The following GLB1 variants were observed in gnomAD, a reference collection of about 807,000 sequenced individuals.
GLB1 encodes beta-galactosidase.
A neutral mutation model predicts 74.0 loss-of-function variants in GLB1; 56 were observed. The observed-to-expected ratio is 0.76, with a 90% CI of 0.61 to 0.94. The LOEUF is 0.94. Ranked by LOEUF, GLB1 falls within the 40% of genes least tolerant of loss-of-function variation. GLB1 has a pLI of 0.00. For missense variants in GLB1, 787 were observed against 845.5 expected (o/e 0.93, Z 0.86); for synonymous variants, 323 against 323.6 (o/e 1.00, Z 0.02).
At chr3:33,054,714 C>A (rs1376744856) in intron 6 of GLB1, among the ~76,000 whole-genome samples, 1 of 152,168 alleles carries the variant, frequency 6.6e-6, no homozygotes, top group East Asian at 1.9e-4. Flanking sequence ...CACTTGCTCT[C>A]AAGTTTTCCT....
rs201648316 is a variant in GLB1, at chr3:33,093,698, A to G, written c.75+3313T>C. 2 of 1,614,174 alleles carry G rather than the reference A, an allele frequency of 1.2e-6. No individual in the cohort carries two copies. Among genetic ancestry groups the G allele is most frequent in the East Asian group, 4.5e-5 (2 of 44,878 alleles). On this transcript the variant is annotated intron_variant, in intron 1 of 15. Transcript: ENST00000307363. The surrounding 1 kb of genome is among the most constrained non-coding windows in gnomAD (Gnocchi z 6.0). ...CAGCAGTCACTCCCACTGCCAGGGC[A>G]GGCCTGAGCACGAGCTTCCTTGTCT... is the stretch of plus-strand genomic sequence containing the variant.
intron 4 of GLB1, among the ~76,000 whole-genome samples, chr3:33,066,857 C>A (rs1008915965): frequency 6.6e-6 from 1 of 152,010 alleles, no homozygotes; most frequent in Non-Finnish European, 1.5e-5. Context: ...GCTAAGCGTG[C>A]AAAACATGAA....
At chr3:33,092,041 C>T (rs1231713587) in intron 1 of GLB1, 3 of 985,010 alleles carry the variant, frequency 3.0e-6, no homozygotes, top group Non-Finnish European at 3.6e-6. Context: ...GGAAAAGCAG[C>T]CTGTCCCCAG....
chr3:32,971,987 A>G, the GLB1 span, among the ~76,000 whole-genome samples: 1 of 152,178 alleles, frequency 6.6e-6, no homozygotes, highest in Non-Finnish European at 1.5e-5. Flanking sequence ...TATCCAGTTT[A>G]TGATAAAAAT....
At chr3:33,042,195 G>A (rs1051570258) in intron 10 of GLB1, among the ~76,000 whole-genome samples, 7 of 152,010 alleles carry the variant, frequency 4.6e-5, no homozygotes, top group African/African-American at 1.7e-4. Flanking sequence ...ACCTCCCAGG[G>A]TCTAATCTCA....
In GLB1 at chr3:33,093,400, G is replaced by C. The variant is rs368287449; in HGVS notation, c.75+3611C>G. 6.2e-7 allele frequency: 1 copy of C among 1,614,196 alleles called. No homozygotes were observed. On this transcript the variant is annotated intron_variant, in intron 1 of 15. Coordinates refer to ENST00000307363, the MANE Select transcript of GLB1 (RefSeq NM_000404.4). This position sits in a 1 kb window ranked among gnomAD's most constrained non-coding sequence, Gnocchi z 6.0. ...ACGAAGTAGGCACCGAGATGTGAATGAAGCTGGCCCAGAGGAGCGACAGCC... is the reference window on the plus strand; with the variant it reads ...ACGAAGTAGGCACCGAGATGTGAATCAAGCTGGCCCAGAGGAGCGACAGCC...
At chr3:33,020,842 A>G (rs1349895933) in intron 12 of GLB1, among the ~76,000 whole-genome samples, 3 of 152,174 alleles carry the variant, frequency 2.0e-5, no homozygotes, top group African/African-American at 7.2e-5. Flanking sequence ...TATGCTGTGG[A>G]GTGACATGGT....
At chr3:33,035,971 A>T (rs569707312) in intron 10 of GLB1, among the ~76,000 whole-genome samples, 4 of 152,322 alleles carry the variant, frequency 2.6e-5, no homozygotes, top group African/African-American at 9.6e-5. Context: ...AGACAGTGTC[A>T]CCTGTACATT....
At chr3:33,059,772 G>A (rs149656204) in intron 5 of GLB1, among the ~76,000 whole-genome samples, 3 of 152,214 alleles carry the variant, frequency 2.0e-5, no homozygotes, top group East Asian at 3.9e-4. Flanking sequence ...ATCATACTGC[G>A]CATTTACGTA....
intron 6 of GLB1, among the ~76,000 whole-genome samples, chr3:33,056,200 C>A (rs373939430): frequency 7.8e-6 from 1 of 127,426 alleles, no homozygotes; most frequent in Non-Finnish European, 1.6e-5. Context: ...GCACTCCAGC[C>A]TGGGCAACAA....
chr3:33,014,186 TGGTGGCCACTGTCAC>T lies in GLB1; in HGVS notation c.1589_1603del (p.Arg530_His534del). The stretch of plus-strand genomic sequence containing the variant: ...TGAGTTGTGGGCCCAGGCTTCATCA[TGGTGGCCACTGTCAC>T]GGTGTCCCCAGCCCCCCAGGTGGCT... On this transcript the variant is annotated inframe_deletion, in exon 15 of 16. Transcript: ENST00000307363. The T allele has an allele frequency of 1.2e-6, 2 of 1,614,116 alleles. No individual in the cohort carries two copies. Among genetic ancestry groups the T allele is most frequent in the Non-Finnish European group, 1.7e-6 (2 of 1,180,014 alleles).
intron 1 of GLB1, among the ~76,000 whole-genome samples, chr3:33,084,466 G>C (rs1023008286): frequency 6.6e-6 from 1 of 152,204 alleles, no homozygotes; most frequent in East Asian, 1.9e-4. Context: ...TATGGAGATG[G>C]AAGAATCTGT....
chr3:32,961,386 C>T, the GLB1 span, among the ~76,000 whole-genome samples: 1 of 152,206 alleles, frequency 6.6e-6, no homozygotes, highest in Non-Finnish European at 1.5e-5. Flanking sequence ...GTCAGCAACA[C>T]GCCAAAGGCA....
chr3:33,069,045 A>G (rs1699800136), intron 2 of GLB1, 75 bp from the exon 3 acceptor site: 1 of 1,611,654 alleles, frequency 6.2e-7, no homozygotes, highest in Non-Finnish European at 8.5e-7. Context: ...AAAGGGCCTC[A>G]TTAGGACTAT....
intron 15 of GLB1, among the ~76,000 whole-genome samples, chr3:33,002,349 C>CTCCG (rs565676769): frequency 0.082 from 10,083 of 123,128 alleles, 519 homozygotes; most frequent in Non-Finnish European, 0.096. Context: ...CCCTCCCTCC[C>CTCCG]TTCCTTCCTT....
chr3:33,068,651 G>A (rs1364270654), intron 3 of GLB1, among the ~76,000 whole-genome samples, 169 bp downstream of exon 3: 2 of 150,944 alleles, frequency 1.3e-5, no homozygotes, highest in African/African-American at 4.9e-5. Context: ...CCCTGACCCT[G>A]GCCTGTTTCT....
chr3:33,077,849 C>CA (rs150278896), intron 1 of GLB1, among the ~76,000 whole-genome samples: 15,124 of 146,260 alleles, frequency 0.1, 1,017 homozygotes, highest in East Asian at 0.37. Context: ...GCTGTTTTAA[C>CA]AAAAAAAAAA....
At chr3:33,061,424 CA>C (rs1473816016) in intron 5 of GLB1, among the ~76,000 whole-genome samples, 1 of 151,916 alleles carries the variant, frequency 6.6e-6, no homozygotes, top group Admixed American at 6.6e-5. Flanking sequence ...AACAAACAAA[CA>C]AAAAACCACC....
intron 1 of GLB1, among the ~76,000 whole-genome samples, chr3:33,074,954 T>C (rs1700055185): frequency 6.6e-6 from 1 of 152,214 alleles, no homozygotes; most frequent in South Asian, 2.1e-4. Context: ...AGAGCTTCAC[T>C]GTAAGTGAAT....
Sources: gnomAD v4.1 joint callset for allele counts (sites outside exome capture counted in the v4.1 genomes callset) on GRCh38, gnomAD v4.1.1 for gene constraint, Gnocchi (gnomAD v3.1) non-coding constraint, MANE v1.5 for transcripts, NCBI Gene and HGNC (gene_info 2026-07-23, HGNC 2026-07-21) for gene names.